PDE7B: variants seen among roughly 807,000 people sequenced by gnomAD.
PDE7B encodes phosphodiesterase 7B.
PDE7B carries 29 observed loss-of-function variants against 56.2 expected under a neutral mutation model. That is an observed-to-expected ratio of 0.52 (90% CI 0.38 to 0.70). The LOEUF (loss-of-function observed/expected upper bound fraction) is 0.70, where lower values mean the gene tolerates loss of function less well. Ranked by LOEUF, PDE7B falls within the 30% of genes least tolerant of loss-of-function variation. PDE7B has a pLI of 0.00. For missense variants in PDE7B, 490 were observed against 565.0 expected, an observed-to-expected ratio of 0.87 and a Z score of 1.35; for synonymous variants, 197 against 196.9, an observed-to-expected ratio of 1.00 and a Z score of 0.00.
chr6:135,955,834 T>G (rs1166576171), intron 2 of PDE7B, among the ~76,000 whole-genome samples: 15 of 152,152 alleles, frequency 9.9e-5, no homozygotes, highest in Admixed American at 9.8e-4. Flanking sequence ...GTGTATGAAG[T>G]GTTATTAAAC....
intron 8 of PDE7B, 139 bp from the exon 9 acceptor site, chr6:136,173,658 T>G (rs964666571): frequency 2.2e-5 from 13 of 602,730 alleles, no homozygotes; most frequent in East Asian, 1.1e-4. Context: ...ATCTTTTGGG[T>G]TTTTTTTTCC....
At chr6:135,934,760 T>TAA (rs1774362688) in intron 1 of PDE7B, among the ~76,000 whole-genome samples, 2 of 110,778 alleles carry the variant, frequency 1.8e-5, no homozygotes, top group South Asian at 5.3e-4. Context: ...ATATATTTTT[T>TAA]AAATATATAT....
intron 2 of PDE7B, among the ~76,000 whole-genome samples, chr6:136,004,190 A>G (rs929037850): frequency 1.3e-5 from 2 of 152,244 alleles, no homozygotes; most frequent in Admixed American, 6.5e-5. Flanking sequence ...TTAGGTATTG[A>G]TGGGACATAT....
intron 12 of PDE7B, among the ~76,000 whole-genome samples, chr6:136,187,660 T>C (rs186920115): frequency 7.1e-4 from 108 of 152,334 alleles, no homozygotes; most frequent in African/African-American, 2.4e-3. Flanking sequence ...CTCTTTCAAG[T>C]GTCACTGGTG....
chr6:136,153,392 T>C lies in PDE7B; in HGVS notation c.479-683T>C, dbSNP rs187865314. On this transcript the variant is annotated intron_variant, in intron 6 of 12. Transcript: ENST00000308191. ...CCTAAGCATCGCCTTGGTTATGAGC[T>C]GAAGCAGGTTAGCGTCTTCCATAAA... Among the ~76,000 whole-genome samples, 4 of 152,318 alleles carry C rather than the reference T, an allele frequency of 2.6e-5. No homozygotes were observed. The East Asian group carries it at 7.7e-4, about 29-fold the overall frequency.
intron 1 of PDE7B, among the ~76,000 whole-genome samples, chr6:135,913,610 A>C (rs1776247824): frequency 6.6e-6 from 1 of 152,210 alleles, no homozygotes. Context: ...AAGAGTTCTT[A>C]AAAAGTAAAA....
intron 2 of PDE7B, among the ~76,000 whole-genome samples, chr6:136,077,972 C>T (rs1314094062): frequency 6.6e-6 from 1 of 152,130 alleles, no homozygotes; most frequent in African/African-American, 2.4e-5. Flanking sequence ...AATCTCATCC[C>T]AGGGTGAATT....
intron 1 of PDE7B, among the ~76,000 whole-genome samples, chr6:135,916,468 C>T (rs1314122911): frequency 3.5e-5 from 5 of 142,092 alleles, no homozygotes; most frequent in South Asian, 2.3e-4. Context: ...TCTCGGCTCA[C>T]TGCACCCTCC....
chr6:136,088,694 G>T (rs956619545), intron 2 of PDE7B, among the ~76,000 whole-genome samples: 1 of 152,164 alleles, frequency 6.6e-6, no homozygotes, highest in Non-Finnish European at 1.5e-5. Flanking sequence ...GGATAGGAAA[G>T]TGACAACTGA....
At chr6:136,014,999 A>T (rs1347577456) in intron 2 of PDE7B, among the ~76,000 whole-genome samples, 2 of 152,242 alleles carry the variant, frequency 1.3e-5, no homozygotes, top group Non-Finnish European at 2.9e-5. Context: ...ATCGATGTTG[A>T]AGTTAAAATA....
intron 2 of PDE7B, among the ~76,000 whole-genome samples, chr6:136,030,839 T>TAAC: frequency 6.6e-6 from 1 of 152,248 alleles, no homozygotes; most frequent in South Asian, 2.1e-4. Flanking sequence ...GAAACTGGCC[T>TAAC]AACTAAATTG....
intron 3 of PDE7B, among the ~76,000 whole-genome samples, chr6:136,133,977 AAAGT>A (rs1274197570): frequency 1.3e-5 from 2 of 152,276 alleles, no homozygotes; most frequent in Non-Finnish European, 2.9e-5. Flanking sequence ...TAAAAATGGA[AAAGT>A]AAGTTGGCCT....
chr6:136,007,269 A>G (rs533455155), intron 2 of PDE7B, among the ~76,000 whole-genome samples: 1 of 152,310 alleles, frequency 6.6e-6, no homozygotes, highest in South Asian at 2.1e-4. Context: ...CTACTTGATT[A>G]TGATGGATTA....
At chr6:136,142,623 A>G (rs1038222438) in intron 3 of PDE7B, among the ~76,000 whole-genome samples, 4 of 152,086 alleles carry the variant, frequency 2.6e-5, no homozygotes, top group African/African-American at 9.7e-5. Context: ...TGCTTTATGA[A>G]TCTGGGTGCT....
At chr6:136,134,047 G>T (rs974603563) in intron 3 of PDE7B, among the ~76,000 whole-genome samples, 3 of 152,172 alleles carry the variant, frequency 2.0e-5, no homozygotes, top group Admixed American at 1.3e-4. Flanking sequence ...AGGAGACATT[G>T]TGGGGGCCAT....
At chr6:136,157,943 A>G (rs1324997816) in intron 8 of PDE7B, among the ~76,000 whole-genome samples, 1 of 152,196 alleles carries the variant, frequency 6.6e-6, no homozygotes, top group Non-Finnish European at 1.5e-5. Context: ...TGTGCATATC[A>G]TGATTCAGTG....
At chr6:136,068,492 G>T (rs1469644600) in intron 2 of PDE7B, among the ~76,000 whole-genome samples, 1 of 140,468 alleles carries the variant, frequency 7.1e-6, no homozygotes, top group Non-Finnish European at 1.5e-5. Context: ...GTGCAGTGGC[G>T]CGATCTCGGC....
At chr6:135,995,109 G>A (rs1392593482) in intron 2 of PDE7B, among the ~76,000 whole-genome samples, 1 of 152,036 alleles carries the variant, frequency 6.6e-6, no homozygotes, top group Non-Finnish European at 1.5e-5. Flanking sequence ...CCTTCATGCT[G>A]CCCTGGGACC....
intron 2 of PDE7B, among the ~76,000 whole-genome samples, chr6:135,984,435 A>T (rs1473316827): frequency 1.3e-5 from 2 of 152,100 alleles, no homozygotes; most frequent in Non-Finnish European, 1.5e-5. Context: ...TCTCAGAGAG[A>T]TAGACATTTT....
Sources: allele counts gnomAD v4.1 joint callset (sites outside exome capture counted in the v4.1 genomes callset), GRCh38; gene constraint gnomAD v4.1.1; transcripts MANE v1.5; gene names NCBI Gene and HGNC (gene_info 2026-07-23, HGNC 2026-07-21).